Variants in ADAMTSL1 observed in about 807,000 individuals in gnomAD.
The protein encoded by ADAMTSL1 is ADAMTS like 1.
A neutral mutation model predicts 201.8 loss-of-function variants in ADAMTSL1; 126 were observed. That is an observed-to-expected ratio of 0.62 (90% CI 0.54 to 0.72). The LOEUF (loss-of-function observed/expected upper bound fraction) is 0.72, where lower values mean the gene tolerates loss of function less well. ADAMTSL1 is among the 30% of genes least tolerant of loss of function. ADAMTSL1 has a pLI of 0.00. For synonymous variants in ADAMTSL1, 1,121 were observed against 903.4 expected, an observed-to-expected ratio of 1.24 and a Z score of -4.32; for missense variants, 2,679 against 2,277.8, an observed-to-expected ratio of 1.18 and a Z score of -3.59.
chr9:18,820,283 C>G (rs551534789), intron 21 of ADAMTSL1, among the ~76,000 whole-genome samples: 1 of 152,160 alleles, frequency 6.6e-6, no homozygotes, highest in Non-Finnish European at 1.5e-5. Context: ...ATACAATTTT[C>G]AGGAAGCTCA....
At chr9:18,703,701 C>CATATATAT (rs72258520) in intron 13 of ADAMTSL1, among the ~76,000 whole-genome samples, 2,602 of 78,524 alleles carry the variant, frequency 0.033, 150 homozygotes, top group African/African-American at 0.05. Context: ...TGCGCACATA[C>CATATATAT]ATATATATAT....
At chr9:18,127,562 C>A (rs2131949973) in intron 1 of ADAMTSL1, among the ~76,000 whole-genome samples, 1 of 151,636 alleles carries the variant, frequency 6.6e-6, no homozygotes. Flanking sequence ...ACATTTTTAC[C>A]AGTGCCAAAA....
intron 2 of ADAMTSL1, among the ~76,000 whole-genome samples, chr9:18,374,359 G>A (rs1837190622): frequency 6.7e-6 from 1 of 150,104 alleles, no homozygotes; most frequent in Admixed American, 6.7e-5. Flanking sequence ...TTTTGGGATG[G>A]GGTCTCACTC....
chr9:18,412,483 A>G (rs890609400), intron 2 of ADAMTSL1, among the ~76,000 whole-genome samples: 2 of 152,220 alleles, frequency 1.3e-5, no homozygotes, highest in Non-Finnish European at 2.9e-5. Flanking sequence ...TTTTCATAAA[A>G]GAACATTTCC....
intron 1 of ADAMTSL1, among the ~76,000 whole-genome samples, chr9:18,503,816 G>A (rs1445983716): frequency 6.6e-6 from 1 of 152,124 alleles, no homozygotes; most frequent in Non-Finnish European, 1.5e-5. Flanking sequence ...TCAAGTACAG[G>A]TTTTAAAAGT....
chr9:18,451,329 T>C (rs1820397170), intron 2 of ADAMTSL1, among the ~76,000 whole-genome samples: 1 of 152,226 alleles, frequency 6.6e-6, no homozygotes, highest in Non-Finnish European at 1.5e-5. Context: ...CTGTCATTTT[T>C]TCAACCTAGC....
intron 19 of ADAMTSL1, among the ~76,000 whole-genome samples, chr9:18,792,838 A>G (rs572304420): frequency 6.6e-6 from 1 of 152,230 alleles, no homozygotes; most frequent in South Asian, 2.1e-4. Flanking sequence ...ATGGTTTACC[A>G]AAGATAAGTA....
intron 15 of ADAMTSL1, among the ~76,000 whole-genome samples, chr9:18,725,691 A>C (rs1374540978): frequency 3.3e-5 from 5 of 152,224 alleles, no homozygotes; most frequent in Non-Finnish European, 7.4e-5. Context: ...AGAATAAAAA[A>C]AAAAGAAAGG....
At chr9:17,909,182 T>C (rs1349526658) in intron 1 of ADAMTSL1, among the ~76,000 whole-genome samples, 1 of 147,350 alleles carries the variant, frequency 6.8e-6, no homozygotes, top group Non-Finnish European at 1.5e-5. Flanking sequence ...GTTTTTTTCT[T>C]GTAAATTTGT....
chr9:18,484,073 C>T (rs1821866833), intron 1 of ADAMTSL1, among the ~76,000 whole-genome samples: 2 of 152,182 alleles, frequency 1.3e-5, no homozygotes, highest in South Asian at 4.1e-4. Context: ...CTGAGAAGTG[C>T]TAGCTTTCTT....
chr9:18,408,915 A>T (rs1453358918), intron 2 of ADAMTSL1, among the ~76,000 whole-genome samples: 3 of 152,248 alleles, frequency 2.0e-5, no homozygotes, highest in Admixed American at 6.5e-5. Flanking sequence ...AGGATCATAT[A>T]AAATAAGTTT....
chr9:18,810,134 C>A (rs994025518), intron 20 of ADAMTSL1, among the ~76,000 whole-genome samples: 61 of 152,148 alleles, frequency 4.0e-4, no homozygotes, highest in African/African-American at 1.4e-3. Flanking sequence ...TGCTTCCTCC[C>A]ATTGTGGCCA....
chr9:17,987,215 T>G (rs917086841), intron 1 of ADAMTSL1, among the ~76,000 whole-genome samples: 5 of 152,222 alleles, frequency 3.3e-5, no homozygotes, highest in African/African-American at 1.2e-4. Context: ...ATCAGGGCAG[T>G]GAACACAACC....
At chr9:18,290,816 C>T (rs1183039192) in intron 2 of ADAMTSL1, among the ~76,000 whole-genome samples, 3 of 143,512 alleles carry the variant, frequency 2.1e-5, no homozygotes, top group African/African-American at 5.4e-5. Flanking sequence ...GAGTCTCGCT[C>T]TGTCGCCCAG....
intron 2 of ADAMTSL1, among the ~76,000 whole-genome samples, chr9:18,266,816 A>T (rs1832135788): frequency 6.6e-6 from 1 of 152,110 alleles, no homozygotes; most frequent in Non-Finnish European, 1.5e-5. Flanking sequence ...CTTTTAATAA[A>T]TCTTTCTCCA....
At position 18,906,025 on chromosome 9, in the gene ADAMTSL1, C is replaced by T. The variant is rs905785970; in HGVS notation, c.4961+134C>T. On this transcript the variant is annotated intron_variant, in intron 27 of 28. Transcript: ENST00000380548. ...TGCCTGGGACTCCATCTCCATTCAC[C>T]GCAAGCCACTGGCCTCCCCAGAGGC... 56 of 763,314 alleles carry T rather than the reference C, an allele frequency of 7.3e-5. 1 individual carries two copies. Among genetic ancestry groups the T allele is most frequent in the Middle Eastern group, 4.8e-4 (2 of 4,144 alleles). 47.3% of individuals were successfully genotyped at this position (763,314 alleles called of 1,614,324 possible).
chr9:18,831,088 T>A (rs1824948713), intron 23 of ADAMTSL1, among the ~76,000 whole-genome samples: 1 of 152,212 alleles, frequency 6.6e-6, no homozygotes, highest in Non-Finnish European at 1.5e-5. Flanking sequence ...TGACCCTCAA[T>A]TTTCGTTTTC....
At chr9:18,897,513 G>A (rs1233609603) in intron 26 of ADAMTSL1, among the ~76,000 whole-genome samples, 1 of 152,218 alleles carries the variant, frequency 6.6e-6, no homozygotes, top group Non-Finnish European at 1.5e-5. Context: ...CTAGAGGAAG[G>A]GGCAGGCTGC....
chr9:18,544,704 A>G (rs1414655619), intron 3 of ADAMTSL1, among the ~76,000 whole-genome samples: 1 of 152,214 alleles, frequency 6.6e-6, no homozygotes, highest in African/African-American at 2.4e-5. Context: ...GGCTAATGCC[A>G]AGCATCTACT....
Sources: allele counts gnomAD v4.1 joint callset (sites outside exome capture counted in the v4.1 genomes callset), GRCh38; gene constraint gnomAD v4.1.1; transcripts MANE v1.5; gene names NCBI Gene and HGNC (gene_info 2026-07-23, HGNC 2026-07-21).